GSDMB: variants seen among roughly 807,000 people sequenced by gnomAD.
GSDMB encodes gasdermin B.
In GSDMB, 32 loss-of-function variants were observed where a neutral mutation model predicts 42.9. That is an observed-to-expected ratio of 0.75 (90% CI 0.56 to 1.00). The LOEUF (loss-of-function observed/expected upper bound fraction) is 1.00, where lower values mean the gene tolerates loss of function less well. Among genes scored for constraint, GSDMB ranks in the 50% least tolerant of loss-of-function variants. The pLI, the probability that GSDMB is intolerant of heterozygous loss-of-function variation, is 0.00. For missense variants in GSDMB, 468 were observed against 498.5 expected (o/e 0.94, Z 0.58); for synonymous variants, 175 against 193.7 (o/e 0.90, Z 0.80).
intron 5 of GSDMB, 110 bp from the exon 6 acceptor site, chr17:39,908,324 CAAAAAAAAAA>C (rs3076830): frequency 3.3e-5 from 8 of 245,652 alleles, no homozygotes; most frequent in African/African-American, 1.8e-4. Flanking sequence ...AGCCTCCAAT[CAAAAAAAAAA>C]AAAAAAAAAG....
intron 2 of GSDMB, among the ~76,000 whole-genome samples, chr17:39,916,458 ATT>A (rs1391080385): frequency 7.1e-6 from 1 of 141,786 alleles, no homozygotes. Context: ...AATTTTTTGT[ATT>A]TTTTTTTTTT....
intron 3 of GSDMB, among the ~76,000 whole-genome samples, chr17:39,911,123 AC>A (rs902412341): frequency 5.3e-5 from 8 of 151,972 alleles, no homozygotes; most frequent in Non-Finnish European, 1.0e-4. Context: ...TCTCCAAAAA[AC>A]CCTGGCCAAT....
intron 7 of GSDMB, chr17:39,906,678 A>T: frequency 8.3e-7 from 1 of 1,207,708 alleles, no homozygotes; most frequent in Non-Finnish European, 1.1e-6. Flanking sequence ...ACAAATCCTG[A>T]TGTCCAGGCC....
chr17:39,909,632 G>T, intron 4 of GSDMB, 124 bp downstream of exon 4: 1 of 807,276 alleles, frequency 1.2e-6, no homozygotes, highest in South Asian at 1.7e-5. Flanking sequence ...TTGGGGCAAG[G>T]TGGCCAAGAG....
In GSDMB at chr17:39,917,389, A is replaced by G. The variant is rs1431529996; in HGVS notation, c.-14-59T>C. ...GGAGGGTATTGGTTCAAGTATTTAAATCTTCCACATTTGGCAGCCTGAGGT... is the reference window on the plus strand; with the variant it reads ...GGAGGGTATTGGTTCAAGTATTTAAGTCTTCCACATTTGGCAGCCTGAGGT... On this transcript the variant is annotated intron_variant, in intron 1 of 10. Coordinates refer to ENST00000418519, the MANE Select transcript of GSDMB (RefSeq NM_001165958.2). 2.9e-6 allele frequency: 3 copies of G among 1,019,064 alleles called. No homozygotes were observed. In the East Asian group the frequency reaches 7.2e-5, roughly 24 times the overall value. The allele number at this position is 1,019,064 out of a possible 1,614,324, so 63.1% of individuals were successfully genotyped here. A position where few individuals can be genotyped will look rare whatever the true frequency, so the allele number is the denominator to read the frequency against.
At chr17:39,912,035 T>C (rs2063619367) in intron 3 of GSDMB, among the ~76,000 whole-genome samples, 1 of 150,938 alleles carries the variant, frequency 6.6e-6, no homozygotes, top group Admixed American at 6.6e-5. Context: ...TATGAGTGAA[T>C]TGGGGGCATC....
At chr17:39,917,024 T>C (rs1357916025) in intron 2 of GSDMB, 58 bp downstream of exon 2, 1 of 1,043,194 alleles carries the variant, frequency 9.6e-7, no homozygotes, top group Non-Finnish European at 1.5e-6. Flanking sequence ...GAGAAGGAGA[T>C]GGAGTACAAA....
At chr17:39,915,389 T>C (rs974374448) in intron 2 of GSDMB, among the ~76,000 whole-genome samples, 1 of 152,222 alleles carries the variant, frequency 6.6e-6, no homozygotes, top group African/African-American at 2.4e-5. Flanking sequence ...TTGTAAGGAT[T>C]TTCTTTTTAA....
rs2063496543 is a variant in GSDMB at position 39,905,944 on chromosome 17, G to C, written c.930C>G (p.Asp310Glu). The C allele has an allele frequency of 6.2e-7, 1 of 1,613,872 alleles. No homozygotes were observed. The highest frequency in any genetic ancestry group is 8.5e-7 in the Non-Finnish European group (1 of 1,179,952). Residue 310 changes from aspartate (D) to glutamate (E), a missense_variant, in exon 9 of 11, where the codon GAC (aspartate) becomes GAG (glutamate). Asp to Glu is a conservative substitution (Grantham distance 45, BLOSUM62 2). Transcript: ENST00000418519. ...VLISGELHME[D>E]PDKPLLSSLF... The stretch of plus-strand genomic sequence containing the variant: ...GGCTGCTTAGGAGAGGCTTGTCTGG[G>C]TCCTCCATGTGTAGCTCCCCGGAAA...
In GSDMB at chr17:39,909,830, C is replaced by G; in HGVS notation, c.502G>C (p.Glu168Gln). The change falls in exon 4 of 11, where the codon GAA (glutamate) becomes CAA (glutamine). Residue 168 changes from glutamate to glutamine, a missense_variant. Glu to Gln is a conservative substitution (Grantham distance 29). Coordinates refer to ENST00000418519, the MANE Select transcript of GSDMB (RefSeq NM_001165958.2). The stretch of plus-strand genomic sequence containing the variant: ...TATTGCCGGTCGCTTTTCAGGGTTT[C>G]CTCCTTTACCGTCTCCAGAGTTTCT... ...VTETLETVKE[E>Q]TLKSDRQYKF... is the part of the protein sequence containing the mutation. 1 of 1,613,992 alleles carries G rather than the reference C, an allele frequency of 6.2e-7. No individual in the cohort carries two copies. The highest frequency in any genetic ancestry group is 8.5e-7 in the Non-Finnish European group (1 of 1,179,864).
chr17:39,915,427 T>C (rs2063692568), intron 2 of GSDMB, among the ~76,000 whole-genome samples: 1 of 152,266 alleles, frequency 6.6e-6, no homozygotes, highest in African/African-American at 2.4e-5. Context: ...CCTCCGAATT[T>C]TGTATGCACA....
chr17:39,909,306 T>C, intron 4 of GSDMB: 1 of 469,496 alleles, frequency 2.1e-6, no homozygotes, highest in South Asian at 2.8e-5. Flanking sequence ...TGCTTTGTTC[T>C]AGGCACCATG....
chr17:39,913,956 T>C (rs963419429), intron 2 of GSDMB, among the ~76,000 whole-genome samples: 3 of 152,342 alleles, frequency 2.0e-5, no homozygotes, highest in African/African-American at 7.2e-5. Context: ...AAATCACTAT[T>C]TGTGTGTACA....
rs118033412 is a variant in GSDMB, at chr17:39,916,926, C to T, written c.235+156G>A. 1.6e-4 allele frequency among the ~76,000 whole-genome samples: 24 copies of T among 152,364 alleles called. No homozygotes were observed. In the East Asian group the frequency reaches 4.2e-3, roughly 27 times the overall value. On this transcript the variant is annotated intron_variant, in intron 2 of 10. Transcript: ENST00000418519. ...CTCCCACTCTCCTCCCACCATGCAG[C>T]TCTTCCGTGCATTTCTTAAATTAAG...
intron 2 of GSDMB, 21 bp from the exon 3 acceptor site, chr17:39,912,518 GTCAC>G (rs756435301): frequency 5.6e-6 from 9 of 1,598,810 alleles, no homozygotes; most frequent in Non-Finnish European, 7.7e-6. Context: ...AATGATAAAG[GTCAC>G]TCTGGAGCAG....
chr17:39,905,456 C>T lies in GSDMB; in HGVS notation c.1068G>A (p.Glu356=). ...CCTTCAACAGAGGAAGGGTCCCCTTCTCCAGGGCCTCAGCCACAAACTGCT... is the reference window on the plus strand; with the variant it reads ...CCTTCAACAGAGGAAGGGTCCCCTTTTCCAGGGCCTCAGCCACAAACTGCT... ...EEQQFVAEAL[E]KGTLPLLKDQ... The change falls in exon 10 of 11, where the codon GAG becomes GAA. Residue 356 remains glutamate, a synonymous_variant. Transcript: ENST00000418519. The T allele has an allele frequency of 6.2e-7, 1 of 1,609,552 alleles. No homozygotes were observed. The highest frequency in any genetic ancestry group is 8.5e-7 in the Non-Finnish European group (1 of 1,178,028).
chr17:39,908,972 T>C lies in GSDMB; in HGVS notation c.647A>G (p.Asn216Ser), dbSNP rs752345174. The part of the protein sequence containing the change: ...SYRVKQLVFP[N>S]KETMNIHFRG... ...CCTTTGCTTACTCATCGTCTCCTTG[T>C]TGGGGAAGACAAGCTGCTTTACTCG... The change falls in exon 5 of 11, where the codon AAC (asparagine) becomes AGC (serine). Residue 216 changes from asparagine to serine, a missense_variant. Asn to Ser is a conservative substitution (Grantham distance 46, BLOSUM62 1). Coordinates refer to ENST00000418519, the MANE Select transcript of GSDMB (RefSeq NM_001165958.2). 3.1e-6 allele frequency: 5 copies of C among 1,603,612 alleles called. No homozygotes were observed. Among genetic ancestry groups the C allele is most frequent in the African/African-American group, 2.7e-5 (2 of 74,478 alleles).
chr17:39,904,890 T>G lies in GSDMB; in HGVS notation c.1173A>C (p.Ala391=), dbSNP rs763478020. The part of the protein sequence containing the change: ...SPPDMDYDPE[A]RILCALYVVV... ...CAACATACAGCGCACAGAGAATTCGTGCCTCAGGGTCATAGTCCATGTCAG... is the reference window on the plus strand; with the variant it reads ...CAACATACAGCGCACAGAGAATTCGGGCCTCAGGGTCATAGTCCATGTCAG... The change falls in exon 11 of 11, where the codon GCA becomes GCC. Residue 391 remains alanine (A), a synonymous_variant. Coordinates refer to ENST00000418519, the MANE Select transcript of GSDMB (RefSeq NM_001165958.2). The G allele has an allele frequency of 7.4e-6, 12 of 1,613,670 alleles. No homozygotes were observed. Among genetic ancestry groups the G allele is most frequent in the Non-Finnish European group, 9.3e-6 (11 of 1,179,620 alleles).
rs1415487385 is a variant in GSDMB, at chr17:39,912,343, C to G, written c.390G>C (p.Leu130=). The G allele has an allele frequency of 6.2e-7, 1 of 1,613,994 alleles. No individual in the cohort carries two copies. Among genetic ancestry groups the G allele is most frequent in the Non-Finnish European group, 8.5e-7 (1 of 1,179,942 alleles). Residue 130 remains leucine, a synonymous_variant, in exon 3 of 11, where the codon CTG becomes CTC. Transcript: ENST00000418519. ...AACCTCACCTGTTTTCAAGGGTAGC[C>G]AGATACTGCTGGGATATCCGGTTCT... ...ISENRISQQY[L]ATLENRKLKR...
Sources: allele counts gnomAD v4.1 joint callset (sites outside exome capture counted in the v4.1 genomes callset), GRCh38; gene constraint gnomAD v4.1.1; transcripts MANE v1.5; gene names NCBI Gene and HGNC (gene_info 2026-07-23, HGNC 2026-07-21).